MYO3B: variants seen among roughly 807,000 people sequenced by gnomAD.
MYO3B encodes the protein myosin IIIB.
Under a neutral mutation model 174.6 loss-of-function variants are expected in MYO3B, and 156 were observed. That is an observed-to-expected ratio of 0.89 (90% CI 0.78 to 1.02). The LOEUF (loss-of-function observed/expected upper bound fraction) is 1.02, where lower values mean the gene tolerates loss of function less well. Among genes scored for constraint, MYO3B ranks in the 50% least tolerant of loss-of-function variants. MYO3B has a pLI of 0.00. For missense variants in MYO3B, 1,632 were observed against 1,639.4 expected (o/e 1.00, Z 0.08); for synonymous variants, 563 against 569.1 (o/e 0.99, Z 0.15).
Position 170,524,568 on chromosome 2 carries a change from C to T in MYO3B, c.3575+5028C>T, listed in dbSNP as rs750662605. 8 of 427,020 alleles carry T rather than the reference C, an allele frequency of 1.9e-5. No homozygotes were observed. In the East Asian group the frequency reaches 6.4e-4, roughly 34 times the overall value. The allele number at this position is 427,020 out of a possible 1,614,324, so 26.5% of individuals were successfully genotyped here. ...GCATGATCTCAGCTGACTGCAACCT[C>T]CGCCCTCTGGGTTCAAGTGATTCTC... On this transcript the variant is annotated intron_variant, in intron 30 of 34. Transcript: ENST00000408978.
In MYO3B at chr2:170,592,343, G is replaced by A. The variant is rs571565684; in HGVS notation, c.3733+48355G>A. On this transcript the variant is annotated intron_variant, in intron 32 of 34. Transcript: ENST00000408978. ...TTCTTCAAAGACATAGGATTCAAGT[G>A]AAAGTTTCTCTTTAATAAGACCATT... Among the ~76,000 whole-genome samples the A allele has an allele frequency of 4.3e-4, 65 of 152,298 alleles. 1 individual carries two copies. The South Asian group carries it at 0.013, about 30-fold the overall frequency.
chr2:170,266,445 C>T (rs10176954), intron 7 of MYO3B, among the ~76,000 whole-genome samples: 1,617 of 152,254 alleles, frequency 0.011, 33 homozygotes, highest in African/African-American at 0.037. Flanking sequence ...TGTAGGATAT[C>T]TACTAGAAAT....
intron 7 of MYO3B, among the ~76,000 whole-genome samples, chr2:170,322,709 G>C (rs1453535290): frequency 1.3e-5 from 2 of 152,118 alleles, no homozygotes; most frequent in African/African-American, 4.8e-5. Context: ...ATCTCCTCTG[G>C]CATTTCATAT....
chr2:170,223,903 A>G (rs899306569), intron 6 of MYO3B, among the ~76,000 whole-genome samples: 1 of 152,214 alleles, frequency 6.6e-6, no homozygotes, highest in African/African-American at 2.4e-5. Flanking sequence ...GCTGGTTGTT[A>G]AGATATTAAA....
Position 170,383,822 on chromosome 2 carries a change from C to G in MYO3B, c.1290+8C>G. 6.3e-7 allele frequency: 1 copy of G among 1,598,972 alleles called. No homozygotes were observed. The highest frequency in any genetic ancestry group is 2.2e-5 in the East Asian group (1 of 44,802). ...ACTCTCAGCAAAGACCAGGTAAGAA[C>G]TCACCTTCCTTTCCTACGGAGTCAC... On this transcript the variant is annotated splice_region_variant and intron_variant, in intron 12 of 34. Coordinates refer to ENST00000408978, the MANE Select transcript of MYO3B (RefSeq NM_138995.5).
intron 7 of MYO3B, among the ~76,000 whole-genome samples, chr2:170,264,607 G>A (rs1286525573): frequency 6.6e-6 from 1 of 152,190 alleles, no homozygotes; most frequent in Non-Finnish European, 1.5e-5. Flanking sequence ...TGAGTTATGT[G>A]AACTCTTCTA....
chr2:170,226,198 C>T lies in MYO3B; in HGVS notation c.603+8803C>T, dbSNP rs186699216. Among the ~76,000 whole-genome samples the T allele has an allele frequency of 1.1e-3, 173 of 152,244 alleles. 2 individuals are homozygous for T. Among genetic ancestry groups the T allele is most frequent in the African/African-American group, 4.1e-3 (170 of 41,544 alleles). On this transcript the variant is annotated intron_variant, in intron 6 of 34. Coordinates refer to ENST00000408978, the MANE Select transcript of MYO3B (RefSeq NM_138995.5). ...GATTCATGGGACCCTGTCTGCCGGTCATATCACTGTGAGGAATGCAGGCTT... is the reference window on the plus strand; with the variant it reads ...GATTCATGGGACCCTGTCTGCCGGTTATATCACTGTGAGGAATGCAGGCTT...
chr2:170,483,063 C>T (rs1472448347), intron 25 of MYO3B, among the ~76,000 whole-genome samples: 2 of 152,236 alleles, frequency 1.3e-5, no homozygotes, highest in Non-Finnish European at 2.9e-5. Context: ...GTTGATAGCT[C>T]TGTAGATTTA....
chr2:170,493,405 A>G lies in MYO3B; in HGVS notation c.3015-5187A>G, dbSNP rs1686619109. Among the ~76,000 whole-genome samples the G allele has an allele frequency of 2.0e-5, 3 of 152,146 alleles. No individual in the cohort carries two copies. In the South Asian group the frequency reaches 6.2e-4, roughly 32 times the overall value. On this transcript the variant is annotated intron_variant, in intron 25 of 34. Coordinates refer to ENST00000408978, the MANE Select transcript of MYO3B (RefSeq NM_138995.5). ...GTCTTGTCAGTTGTTTAAAAATATT[A>G]ATGACCTGGACATCAGTGACCTTGG...
At position 170,400,246 on chromosome 2, in the gene MYO3B, T is replaced by A. The variant is rs1309118428; in HGVS notation, c.1850T>A (p.Phe617Tyr). Reference protein sequence around the residue: ...AGILNIGNIEFAAISSQHQTD... With the variant: ...AGILNIGNIEYAAISSQHQTD... Reference sequence around the variant, plus strand: ...ATTTTGAATATTGGGAACATTGAGTTCGCAGCTATTTCCTCTCAACATCAG... The same window carrying A: ...ATTTTGAATATTGGGAACATTGAGTACGCAGCTATTTCCTCTCAACATCAG... Residue 617 changes from phenylalanine to tyrosine, a missense_variant, in exon 17 of 35, where the codon TTC becomes TAC. By Grantham distance (22) the Phe-to-Tyr change is conservative. Transcript: ENST00000408978. 1.2e-6 allele frequency: 2 copies of A among 1,614,100 alleles called. No homozygotes were observed. Among genetic ancestry groups the A allele is most frequent in the Non-Finnish European group, 8.5e-7 (1 of 1,180,010 alleles).
At chr2:170,599,276 G>A (rs1477457303) in intron 32 of MYO3B, among the ~76,000 whole-genome samples, 1 of 152,122 alleles carries the variant, frequency 6.6e-6, no homozygotes, top group African/African-American at 2.4e-5. Flanking sequence ...AATACTCCAG[G>A]CAGTTACATC....
At chr2:170,503,999 C>T (rs866394947) in intron 28 of MYO3B, among the ~76,000 whole-genome samples, 1 of 152,122 alleles carries the variant, frequency 6.6e-6, no homozygotes, top group South Asian at 2.1e-4. Flanking sequence ...GGCATAATTG[C>T]GTTTATCTAA....
intron 7 of MYO3B, among the ~76,000 whole-genome samples, chr2:170,266,930 A>G (rs2105361315): frequency 6.6e-6 from 1 of 152,348 alleles, no homozygotes; most frequent in East Asian, 1.9e-4. Flanking sequence ...GAAAACCTTA[A>G]AAAAGTTTAC....
At chr2:170,573,191 G>A (rs906404103) in intron 32 of MYO3B, among the ~76,000 whole-genome samples, 2 of 145,984 alleles carry the variant, frequency 1.4e-5, no homozygotes, top group Non-Finnish European at 3.0e-5. Flanking sequence ...TATATATGTA[G>A]TAAACATATG....
intron 22 of MYO3B, among the ~76,000 whole-genome samples, chr2:170,423,663 C>T (rs1270567519): frequency 1.4e-5 from 2 of 147,780 alleles, no homozygotes; most frequent in Non-Finnish European, 3.0e-5. Flanking sequence ...TCACTGCAAC[C>T]TCCGCCTCCT....
At chr2:170,500,089 T>C (rs1221609542) in intron 27 of MYO3B, among the ~76,000 whole-genome samples, 1 of 152,180 alleles carries the variant, frequency 6.6e-6, no homozygotes, top group Non-Finnish European at 1.5e-5. Context: ...TGAAAGAAAC[T>C]TTCTTTCCGT....
intron 7 of MYO3B, among the ~76,000 whole-genome samples, chr2:170,247,608 T>A (rs140281754): frequency 1.1e-4 from 17 of 152,274 alleles, no homozygotes; most frequent in Non-Finnish European, 2.1e-4. Context: ...AATAGAAACT[T>A]GTTTCTCACA....
chr2:170,408,925 G>A (rs10198839), intron 22 of MYO3B, among the ~76,000 whole-genome samples: 87,159 of 151,916 alleles, frequency 0.57, 25,422 homozygotes, highest in Admixed American at 0.66. Flanking sequence ...TGGAGCAGCC[G>A]GGGTTTAATT....
chr2:170,456,916 G>A (rs1451221676), intron 23 of MYO3B, among the ~76,000 whole-genome samples: 3 of 152,188 alleles, frequency 2.0e-5, no homozygotes, highest in African/African-American at 7.2e-5. Flanking sequence ...AACCTAGATG[G>A]TATAGCTTAC....
Sources: gnomAD v4.1 joint callset for allele counts (sites outside exome capture counted in the v4.1 genomes callset) on GRCh38, gnomAD v4.1.1 for gene constraint, MANE v1.5 for transcripts, NCBI Gene and HGNC (gene_info 2026-07-23, HGNC 2026-07-21) for gene names.